ATP6V0D2: variants seen among roughly 807,000 people sequenced by gnomAD.
ATP6V0D2 encodes ATPase H+ transporting V0 subunit d2.
ATP6V0D2 carries 40 observed loss-of-function variants against 40.0 expected under a neutral mutation model. That is an observed-to-expected ratio of 1.00 (90% CI 0.78 to 1.30). The LOEUF (loss-of-function observed/expected upper bound fraction) is 1.30. Among genes scored for constraint, ATP6V0D2 ranks in the 50% most tolerant of loss-of-function variants. ATP6V0D2 has a pLI of 0.00. For synonymous variants in ATP6V0D2, 179 were observed against 156.3 expected (o/e 1.15, Z -1.08); for missense variants, 470 against 423.1 (o/e 1.11, Z -0.97).
At chr8:86,136,286 G>C (rs909669956) in intron 2 of ATP6V0D2, among the ~76,000 whole-genome samples, 1 of 152,168 alleles carries the variant, frequency 6.6e-6, no homozygotes. Flanking sequence ...GTAGAGGCAG[G>C]TCTGGGTGTT....
intron 3 of ATP6V0D2, among the ~76,000 whole-genome samples, chr8:86,140,311 G>T (rs990210097): frequency 6.6e-6 from 1 of 151,946 alleles, no homozygotes; most frequent in African/African-American, 2.4e-5. Flanking sequence ...TGCTGTTTAA[G>T]ATAGATATTT....
chr8:86,100,078 A>G (rs1818375560), intron 1 of ATP6V0D2, among the ~76,000 whole-genome samples: 1 of 151,574 alleles, frequency 6.6e-6, no homozygotes, highest in African/African-American at 2.4e-5. Flanking sequence ...TGGTGGGGCC[A>G]GCCCTGGATT....
At chr8:86,119,504 C>T (rs945548504) in intron 2 of ATP6V0D2, among the ~76,000 whole-genome samples, 3 of 152,126 alleles carry the variant, frequency 2.0e-5, no homozygotes, top group South Asian at 2.1e-4. Context: ...GCTGGGATTA[C>T]AGGCAGGAGC....
At chr8:86,150,412 C>G (rs946252356) in intron 6 of ATP6V0D2, 124 bp downstream of exon 6, 2 of 1,014,586 alleles carry the variant, frequency 2.0e-6, no homozygotes, top group Non-Finnish European at 2.9e-6. Context: ...AGGTAGCAAT[C>G]AGTGTTTCTT....
intron 1 of ATP6V0D2, among the ~76,000 whole-genome samples, chr8:86,105,807 G>C (rs981994546): frequency 1.3e-5 from 2 of 151,222 alleles, no homozygotes; most frequent in African/African-American, 4.9e-5. Flanking sequence ...GTAGAGATGG[G>C]GTTTCACCGT....
chr8:86,101,462 GAAA>G (rs59915079), intron 1 of ATP6V0D2, among the ~76,000 whole-genome samples: 1,762 of 78,100 alleles, frequency 0.023, 29 homozygotes, highest in African/African-American at 0.068. Flanking sequence ...CCTGTCTCAG[GAAA>G]AAAAAAAAAA....
chr8:86,103,811 C>T (rs185948099), intron 1 of ATP6V0D2, among the ~76,000 whole-genome samples: 33 of 152,032 alleles, frequency 2.2e-4, no homozygotes, highest in Non-Finnish European at 4.1e-4. Context: ...ATACAAGGCT[C>T]TTTATGTGGC....
At chr8:86,118,238 T>A (rs1438010766) in intron 2 of ATP6V0D2, among the ~76,000 whole-genome samples, 1 of 92,942 alleles carries the variant, frequency 1.1e-5, no homozygotes, top group Non-Finnish European at 2.9e-5. Flanking sequence ...TTTTTGTATT[T>A]TTTTTTATTT....
intron 5 of ATP6V0D2, among the ~76,000 whole-genome samples, chr8:86,149,568 G>A (rs1237995230): frequency 6.6e-6 from 1 of 152,014 alleles, no homozygotes. Context: ...ACCTCACCTA[G>A]GACACTAACA....
chr8:86,123,933 C>T lies in ATP6V0D2; in HGVS notation c.302+10053C>T, dbSNP rs140353596. ...TTTAAATGAGTAAATAGCCTTCCATCTGGTCATGAACATAGATATGTTGAG... is the reference window on the plus strand; with the variant it reads ...TTTAAATGAGTAAATAGCCTTCCATTTGGTCATGAACATAGATATGTTGAG... On this transcript the variant is annotated intron_variant, in intron 2 of 7. Coordinates refer to ENST00000285393, the MANE Select transcript of ATP6V0D2 (RefSeq NM_152565.1). Among the ~76,000 whole-genome samples, 39 of 152,270 alleles carry T rather than the reference C, an allele frequency of 2.6e-4. No homozygotes were observed. The East Asian group carries it at 7.5e-3, about 29-fold the overall frequency.
chr8:86,141,571 A>G (rs1232415429), intron 4 of ATP6V0D2, 42 bp downstream of exon 4: 1 of 1,409,446 alleles, frequency 7.1e-7, no homozygotes, highest in Admixed American at 1.9e-5. Flanking sequence ...TGATTACACA[A>G]TGTATTGTGA....
chr8:86,143,457 G>A (rs993984583), intron 5 of ATP6V0D2, among the ~76,000 whole-genome samples: 2 of 152,124 alleles, frequency 1.3e-5, no homozygotes, highest in Non-Finnish European at 2.9e-5. Flanking sequence ...TATTTGTATG[G>A]TTATTTCTTG....
At chr8:86,134,715 C>G (rs1257349303) in intron 2 of ATP6V0D2, among the ~76,000 whole-genome samples, 1 of 152,110 alleles carries the variant, frequency 6.6e-6, no homozygotes, top group Non-Finnish European at 1.5e-5. Context: ...TAAAAATCAG[C>G]ACACAGATGT....
chr8:86,131,266 C>A (rs1195301099), intron 2 of ATP6V0D2, among the ~76,000 whole-genome samples: 1 of 152,130 alleles, frequency 6.6e-6, no homozygotes, highest in Non-Finnish European at 1.5e-5. Context: ...GTGGTGCAAT[C>A]TCGGCTCACT....
At chr8:86,146,223 T>C (rs1363765630) in intron 5 of ATP6V0D2, among the ~76,000 whole-genome samples, 2 of 152,084 alleles carry the variant, frequency 1.3e-5, no homozygotes, top group Non-Finnish European at 2.9e-5. Flanking sequence ...AGGTAAGAAA[T>C]AGGTAAGAAT....
chr8:86,124,596 T>G (rs1364353482), intron 2 of ATP6V0D2, among the ~76,000 whole-genome samples: 3 of 152,172 alleles, frequency 2.0e-5, no homozygotes, highest in Non-Finnish European at 4.4e-5. Context: ...ATATACCAAC[T>G]GTAGGACCCC....
chr8:86,101,189 T>A (rs1245433583), intron 1 of ATP6V0D2, among the ~76,000 whole-genome samples: 1 of 150,202 alleles, frequency 6.7e-6, no homozygotes, highest in African/African-American at 2.4e-5. Flanking sequence ...TCGGGTATAG[T>A]GGCTCATGCC....
At chr8:86,117,092 A>G (rs1237421283) in intron 2 of ATP6V0D2, among the ~76,000 whole-genome samples, 1 of 152,188 alleles carries the variant, frequency 6.6e-6, no homozygotes, top group Non-Finnish European at 1.5e-5. Flanking sequence ...AAGAAAGTTT[A>G]GCCCTTCATA....
intron 2 of ATP6V0D2, among the ~76,000 whole-genome samples, chr8:86,133,998 A>G (rs1483781253): frequency 1.3e-5 from 2 of 152,224 alleles, no homozygotes; most frequent in African/African-American, 2.4e-5. Context: ...GAAAAATCCA[A>G]TGAAATCCAG....
Sources: gnomAD v4.1 joint callset for allele counts (sites outside exome capture counted in the v4.1 genomes callset) on GRCh38, gnomAD v4.1.1 for gene constraint, MANE v1.5 for transcripts, NCBI Gene and HGNC (gene_info 2026-07-23, HGNC 2026-07-21) for gene names.